CCDC60: variants seen among roughly 807,000 people sequenced by gnomAD.
The protein encoded by CCDC60 is coiled-coil domain-containing protein 60.
CCDC60 carries 54 observed loss-of-function variants against 63.5 expected under a neutral mutation model. That is an observed-to-expected ratio of 0.85 (90% CI 0.68 to 1.07). CCDC60 has a LOEUF of 1.07. Among genes scored for constraint, CCDC60 ranks in the 50% least tolerant of loss-of-function variants. The pLI, the probability that CCDC60 is intolerant of heterozygous loss-of-function variation, is 0.00. For missense variants in CCDC60, 651 were observed against 684.3 expected (o/e 0.95, Z 0.54); for synonymous variants, 206 against 238.8 (o/e 0.86, Z 1.27).
At chr12:119,480,953 CCAT>C (rs1248452454) in intron 4 of CCDC60, among the ~76,000 whole-genome samples, 3 of 141,114 alleles carry the variant, frequency 2.1e-5, no homozygotes, top group African/African-American at 8.0e-5. Context: ...ACCATCATCA[CCAT>C]CATCACCATC....
rs1350255391 is a variant in CCDC60, at chr12:119,456,041, AAG to A, written c.171-15951_171-15950del. 6.8e-6 allele frequency among the ~76,000 whole-genome samples: 1 copy of A among 146,848 alleles called. No homozygotes were observed. Among genetic ancestry groups the A allele is most frequent in the Non-Finnish European group, 1.5e-5 (1 of 66,836 alleles). On this transcript the variant is annotated intron_variant, in intron 2 of 13. Coordinates refer to ENST00000327554, the MANE Select transcript of CCDC60 (RefSeq NM_178499.5). The surrounding 1 kb of genome is among the most constrained non-coding windows in gnomAD (Gnocchi z 4.6). Reference sequence around the variant, plus strand: ...AAAGAAAGAAAGAAAGAAAGAAAGAAAGAAAGAAAGAAAGAAAGAAAGCAAGC... The same window carrying A: ...AAAGAAAGAAAGAAAGAAAGAAAGAAAAAGAAAGAAAGAAAGAAAGCAAGC...
intron 2 of CCDC60, among the ~76,000 whole-genome samples, chr12:119,466,055 T>A (rs145171134): frequency 8.6e-4 from 131 of 152,352 alleles, no homozygotes; most frequent in African/African-American, 3.1e-3. Flanking sequence ...TTGCACATGT[T>A]GTTCCTGCTA....
At chr12:119,507,124 C>G (rs1952026964) in intron 7 of CCDC60, among the ~76,000 whole-genome samples, 1 of 152,012 alleles carries the variant, frequency 6.6e-6, no homozygotes, top group Non-Finnish European at 1.5e-5. Context: ...GGCTGAGTGA[C>G]AAGGATTGTG....
chr12:119,338,090 T>A (rs985576158), intron 1 of CCDC60, among the ~76,000 whole-genome samples: 18 of 152,092 alleles, frequency 1.2e-4, no homozygotes, highest in African/African-American at 4.1e-4. Context: ...GAAAGCCTCA[T>A]TGAAATCCTT....
intron 1 of CCDC60, among the ~76,000 whole-genome samples, chr12:119,387,299 A>C (rs1956078363): frequency 6.6e-6 from 1 of 152,158 alleles, no homozygotes; most frequent in Non-Finnish European, 1.5e-5. Context: ...GTGTTTTTCT[A>C]AACAACAACA....
In CCDC60 at chr12:119,500,138, G is replaced by A. The variant is rs773772906; in HGVS notation, c.618G>A (p.Gln206=). ...KKINKDKSMG[Q]KWEHFITAPK... is the part of the protein sequence containing the mutation. The stretch of plus-strand genomic sequence containing the variant: ...TCAATAAGGACAAGTCCATGGGACA[G>A]AAATGGGAGCATTTCATCACAGCGC... The change falls in exon 6 of 14, where the codon CAG becomes CAA. Residue 206 remains glutamine, a synonymous_variant. Coordinates refer to ENST00000327554, the MANE Select transcript of CCDC60 (RefSeq NM_178499.5). 6.2e-7 allele frequency: 1 copy of A among 1,611,108 alleles called. No individual in the cohort carries two copies. The highest frequency in any genetic ancestry group is 2.2e-5 in the East Asian group (1 of 44,752).
At chr12:119,413,353 G>A (rs1956640317) in intron 1 of CCDC60, among the ~76,000 whole-genome samples, 1 of 152,120 alleles carries the variant, frequency 6.6e-6, no homozygotes, top group African/African-American at 2.4e-5. Flanking sequence ...GAAAGCTATG[G>A]CATCTAGCGC....
At chr12:119,335,746 G>T (rs1955464317) in intron 1 of CCDC60, among the ~76,000 whole-genome samples, 1 of 151,772 alleles carries the variant, frequency 6.6e-6, no homozygotes, top group Non-Finnish European at 1.5e-5. Flanking sequence ...CCATTTTGTA[G>T]GTTGCCTGTT....
chr12:119,360,156 C>T (rs1177564936), intron 1 of CCDC60, among the ~76,000 whole-genome samples: 111 of 149,240 alleles, frequency 7.4e-4, no homozygotes, highest in African/African-American at 2.4e-3. Flanking sequence ...GCTGGCCGGG[C>T]GGGGGGCTGA....
chr12:119,424,562 A>G (rs573456972), intron 1 of CCDC60, among the ~76,000 whole-genome samples: 3 of 152,342 alleles, frequency 2.0e-5, no homozygotes, highest in East Asian at 3.9e-4. Flanking sequence ...CTTGTCACAC[A>G]TATGTCTAAA....
At chr12:119,406,257 G>A (rs916877705) in intron 1 of CCDC60, among the ~76,000 whole-genome samples, 31 of 151,824 alleles carry the variant, frequency 2.0e-4, no homozygotes, top group Non-Finnish European at 1.0e-4. Context: ...CCTAGACAGC[G>A]TCTTTGACTC....
intron 1 of CCDC60, among the ~76,000 whole-genome samples, chr12:119,368,867 A>G (rs920255183): frequency 1.3e-5 from 2 of 152,138 alleles, no homozygotes; most frequent in Admixed American, 1.3e-4. Flanking sequence ...ATTGGTGCTA[A>G]TTATTTCTCT....
intron 1 of CCDC60, among the ~76,000 whole-genome samples, chr12:119,366,208 C>T (rs140984163): frequency 2.0e-5 from 3 of 152,190 alleles, no homozygotes; most frequent in Non-Finnish European, 2.9e-5. Context: ...TACACAGTGA[C>T]GTAGATGTTG....
intron 1 of CCDC60, among the ~76,000 whole-genome samples, chr12:119,387,698 AC>A (rs1022704956): frequency 6.6e-6 from 1 of 152,194 alleles, no homozygotes; most frequent in African/African-American, 2.4e-5. Flanking sequence ...ACTTCTTAAA[AC>A]TTAAATGTCT....
chr12:119,536,193 CT>C (rs775719268), intron 13 of CCDC60, among the ~76,000 whole-genome samples: 4 of 152,124 alleles, frequency 2.6e-5, no homozygotes, highest in Non-Finnish European at 5.9e-5. Flanking sequence ...CTCTTTTGAT[CT>C]TTGTTGATTT....
intron 8 of CCDC60, among the ~76,000 whole-genome samples, chr12:119,516,965 A>T (rs1952370926): frequency 1.3e-5 from 2 of 151,988 alleles, no homozygotes; most frequent in Non-Finnish European, 2.9e-5. Flanking sequence ...TAAGGCCATG[A>T]CTCTAATCTA....
intron 12 of CCDC60, among the ~76,000 whole-genome samples, chr12:119,529,280 A>G (rs1205420285): frequency 1.3e-5 from 2 of 152,160 alleles, no homozygotes; most frequent in African/African-American, 4.8e-5. Flanking sequence ...TGTCCATTTT[A>G]TCCCCCCCAA....
At chr12:119,477,080 G>T (rs748236915) in intron 3 of CCDC60, among the ~76,000 whole-genome samples, 2 of 152,168 alleles carry the variant, frequency 1.3e-5, no homozygotes, top group African/African-American at 2.4e-5. Flanking sequence ...CACTCACATT[G>T]GTGGCAAGTT....
At chr12:119,497,754 A>T (rs1390809652) in intron 5 of CCDC60, among the ~76,000 whole-genome samples, 2 of 152,088 alleles carry the variant, frequency 1.3e-5, no homozygotes, top group Non-Finnish European at 2.9e-5. Flanking sequence ...CAAAGTGAAA[A>T]AAAAAAAACA....
Sources: allele counts gnomAD v4.1 joint callset (sites outside exome capture counted in the v4.1 genomes callset), GRCh38; gene constraint gnomAD v4.1.1; non-coding constraint Gnocchi (gnomAD v3.1); transcripts MANE v1.5; gene names NCBI Gene and HGNC (gene_info 2026-07-23, HGNC 2026-07-21).